The following IQCJ variants were observed in gnomAD, a reference collection of about 807,000 sequenced individuals.
The protein encoded by IQCJ is IQ motif containing J.
In IQCJ, 9 loss-of-function variants were observed where a neutral mutation model predicts 11.0. The ratio of observed to expected loss-of-function variants is 0.82; its 90% CI spans 0.49 to 1.43. The LOEUF is 1.43. IQCJ is among the 40% of genes most tolerant of loss of function. The pLI is 0.00. For missense variants in IQCJ, 146 were observed against 133.2 expected (o/e 1.10, Z -0.47); for synonymous variants, 55 against 51.3 (o/e 1.07, Z -0.31).
chr3:159,143,131 C>A (rs1279868506), intron 1 of IQCJ, among the ~76,000 whole-genome samples: 1 of 152,120 alleles, frequency 6.6e-6, no homozygotes, highest in Non-Finnish European at 1.5e-5. Context: ...GTTTTTGGAA[C>A]AAAACACTGA....
chr3:159,088,755 T>TC (rs1716996904), intron 1 of IQCJ, among the ~76,000 whole-genome samples: 2 of 152,124 alleles, frequency 1.3e-5, no homozygotes, highest in Non-Finnish European at 2.9e-5. Flanking sequence ...TGCCTTTTTT[T>TC]GTTTTCCATT....
intron 1 of IQCJ, among the ~76,000 whole-genome samples, chr3:159,209,904 C>T (rs1427774432): frequency 6.6e-6 from 1 of 152,212 alleles, no homozygotes; most frequent in Non-Finnish European, 1.5e-5. Context: ...GGTCTGCCTC[C>T]ACCCTTGAGT....
intron 1 of IQCJ, among the ~76,000 whole-genome samples, chr3:159,127,901 C>T (rs4680491): frequency 0.33 from 49,761 of 151,968 alleles, 8,483 homozygotes; most frequent in Non-Finnish European, 0.39. Context: ...AAATGCTTCT[C>T]ATTTAATCTG....
At chr3:159,089,148 G>A (rs1576997613) in intron 1 of IQCJ, among the ~76,000 whole-genome samples, 1 of 152,066 alleles carries the variant, frequency 6.6e-6, no homozygotes, top group Non-Finnish European at 1.5e-5. Flanking sequence ...TTGCTTGTCT[G>A]TAAAGTATTT....
At chr3:159,126,565 A>AAGGACAGG (rs1719689012) in intron 1 of IQCJ, among the ~76,000 whole-genome samples, 1 of 152,202 alleles carries the variant, frequency 6.6e-6, no homozygotes, top group South Asian at 2.1e-4. Flanking sequence ...GTGCTTGAAA[A>AAGGACAGG]AGGACAGGGT....
chr3:159,128,773 G>A (rs932354797), intron 1 of IQCJ, among the ~76,000 whole-genome samples: 1 of 152,060 alleles, frequency 6.6e-6, no homozygotes, highest in African/African-American at 2.4e-5. Context: ...TTCCTACCGT[G>A]CTTTGAGAAC....
At chr3:159,229,555 C>T (rs75477505) in intron 1 of IQCJ, among the ~76,000 whole-genome samples, 1,694 of 151,760 alleles carry the variant, frequency 0.011, 25 homozygotes, top group African/African-American at 0.039. Context: ...CACTTGATTA[C>T]GTTTTTGTTA....
intron 1 of IQCJ, among the ~76,000 whole-genome samples, chr3:159,105,951 A>G (rs1283416543): frequency 6.6e-6 from 1 of 152,166 alleles, no homozygotes; most frequent in Non-Finnish European, 1.5e-5. Flanking sequence ...CTGATAAGGG[A>G]AAAAAGAGTA....
intron 1 of IQCJ, among the ~76,000 whole-genome samples, chr3:159,074,171 C>G (rs563342755): frequency 6.6e-6 from 1 of 151,916 alleles, no homozygotes. Context: ...AATAGGCTTG[C>G]GTGAAGGTGA....
chr3:159,075,731 G>A (rs190933941), intron 1 of IQCJ, among the ~76,000 whole-genome samples: 5 of 152,260 alleles, frequency 3.3e-5, no homozygotes, highest in Admixed American at 3.3e-4. Context: ...CTTTAGGGAA[G>A]CGATCTGTAT....
At chr3:159,171,026 A>C (rs1254143552) in intron 1 of IQCJ, among the ~76,000 whole-genome samples, 1 of 152,156 alleles carries the variant, frequency 6.6e-6, no homozygotes, top group South Asian at 2.1e-4. Context: ...CTAGTAATTT[A>C]GTAATCGGCC....
intron 3 of IQCJ, 63 bp downstream of exon 3, chr3:159,252,870 C>G (rs1727684462): frequency 9.2e-6 from 14 of 1,522,002 alleles, no homozygotes; most frequent in Admixed American, 3.9e-5. Flanking sequence ...CTGAATAAAT[C>G]TGGAATTTTC....
At chr3:159,134,063 G>A (rs1720150087) in intron 1 of IQCJ, among the ~76,000 whole-genome samples, 1 of 151,884 alleles carries the variant, frequency 6.6e-6, no homozygotes, top group Non-Finnish European at 1.5e-5. Flanking sequence ...GAAGACTGAG[G>A]GTCTCACCTT....
At chr3:159,071,830 C>A (rs1715582971) in intron 1 of IQCJ, among the ~76,000 whole-genome samples, 1 of 151,930 alleles carries the variant, frequency 6.6e-6, no homozygotes, top group Admixed American at 6.6e-5. Context: ...TTTATATTAC[C>A]CCAAAATACC....
intron 1 of IQCJ, among the ~76,000 whole-genome samples, chr3:159,173,920 A>G (rs1337629144): frequency 6.6e-6 from 1 of 152,094 alleles, no homozygotes; most frequent in Non-Finnish European, 1.5e-5. Context: ...TGAAAGTTCT[A>G]TTAGACATAT....
chr3:159,179,878 G>A (rs574308724), intron 1 of IQCJ, among the ~76,000 whole-genome samples: 2 of 152,134 alleles, frequency 1.3e-5, no homozygotes, highest in South Asian at 4.1e-4. Context: ...CCATGACTCT[G>A]TGATCAAGAC....
At chr3:159,265,547 T>G (rs1274392520), downstream of IQCJ, 3 of 627,586 alleles carry the variant, frequency 4.8e-6, no homozygotes, top group Non-Finnish European at 8.1e-6. Context: ...TCAAATGTTG[T>G]CAGTGAGCTG....
chr3:159,194,925 A>G (rs1560021121), intron 1 of IQCJ, among the ~76,000 whole-genome samples: 1 of 152,104 alleles, frequency 6.6e-6, no homozygotes, highest in African/African-American at 2.4e-5. Flanking sequence ...AGCCTGGCCA[A>G]CATAGTGAAA....
At chr3:159,252,111 C>T (rs1727637713) in intron 2 of IQCJ, among the ~76,000 whole-genome samples, 1 of 152,182 alleles carries the variant, frequency 6.6e-6, no homozygotes, top group Admixed American at 6.5e-5. Context: ...CCTTCACTCT[C>T]AACTTACCTA....
Sources: gnomAD v4.1 joint callset for allele counts (sites outside exome capture counted in the v4.1 genomes callset) on GRCh38, gnomAD v4.1.1 for gene constraint, MANE v1.5 for transcripts, NCBI Gene and HGNC (gene_info 2026-07-23, HGNC 2026-07-21) for gene names.